Variants in AKR1B1 observed in about 807,000 individuals in gnomAD.
AKR1B1 encodes aldo-keto reductase family 1 member B1.
A neutral mutation model predicts 40.4 loss-of-function variants in AKR1B1; 22 were observed. The observed-to-expected ratio is 0.54, with a 90% confidence interval of 0.39 to 0.78. The LOEUF is 0.78. Among genes scored for constraint, AKR1B1 ranks in the 30% least tolerant of loss-of-function variants. The pLI is 0.00. For synonymous variants in AKR1B1, 157 were observed against 149.9 expected (o/e 1.05, Z -0.35); for missense variants, 357 against 396.7 (o/e 0.90, Z 0.85).
At chr7:134,447,122 A>T (rs574127066) in intron 8 of AKR1B1, among the ~76,000 whole-genome samples, 176 bp downstream of exon 8, 2 of 152,306 alleles carry the variant, frequency 1.3e-5, no homozygotes, top group African/African-American at 4.8e-5. Flanking sequence ...CTGCCCCTGC[A>T]CACGGCTCCA....
At chr7:134,453,531 C>T (rs1252511163) in intron 1 of AKR1B1, among the ~76,000 whole-genome samples, 1 of 152,040 alleles carries the variant, frequency 6.6e-6, no homozygotes, top group African/African-American at 2.4e-5. Context: ...CCACCCCAAA[C>T]ACACTTTTTT....
At chr7:134,451,859 C>T in intron 1 of AKR1B1, 106 bp from the exon 2 acceptor site, 4 of 1,246,856 alleles carry the variant, frequency 3.2e-6, no homozygotes, top group Non-Finnish European at 4.6e-6. Context: ...CCACTTTGTT[C>T]AGCAAAGACA....
intron 1 of AKR1B1, among the ~76,000 whole-genome samples, chr7:134,454,836 G>A (rs776874881): frequency 6.6e-6 from 1 of 152,216 alleles, no homozygotes; most frequent in Admixed American, 6.5e-5. Context: ...TTTGGCAGCA[G>A]AAATTAACTT....
chr7:134,449,309 G>C (rs909957230), intron 4 of AKR1B1, 190 bp from the exon 5 acceptor site: 1 of 782,434 alleles, frequency 1.3e-6, no homozygotes. Context: ...CAAACAGGCC[G>C]GGCGCGGTGG....
chr7:134,445,259 C>T lies in AKR1B1; in HGVS notation c.887G>A (p.Trp296Ter). The change falls in exon 9 of 10, where the codon TGG (tryptophan) becomes TAG (stop). Residue 296 changes from tryptophan (W) to a stop codon, truncating the protein, a stop_gained. Transcript: ENST00000285930. LOFTEE classifies it high-confidence loss of function. ...MTTLLSYNRN[W>*]RVCALLSCTS... ...TCACCTCAACAAGGCACAGACCCTC[C>T]AGTTCCTGTTGTAGCTGAGTAAGGT... is the stretch of plus-strand genomic sequence containing the variant. 1 of 1,612,392 alleles carries T rather than the reference C, an allele frequency of 6.2e-7. No homozygotes were observed. Among genetic ancestry groups the T allele is most frequent in the Non-Finnish European group, 8.5e-7 (1 of 1,179,720 alleles).
intron 9 of AKR1B1, among the ~76,000 whole-genome samples, chr7:134,443,881 C>T (rs753895280): frequency 6.6e-6 from 1 of 152,020 alleles, no homozygotes; most frequent in African/African-American, 2.4e-5. Flanking sequence ...GTGTAGTTAG[C>T]GAAAACTCCC....
rs1806587190 is a variant in AKR1B1 at position 134,459,040 on chromosome 7, T to C, written c.23A>G (p.Asn8Ser). ...CAGGATGGGCATCTTGGCGCCGTTG[T>C]TGAGCAGGAGACGGCTTGCCATGGC... The part of the protein sequence containing the change: MASRLLL[N>S]NGAKMPILGL... Residue 8 changes from asparagine (N) to serine (S), a missense_variant, in exon 1 of 10, where the codon AAC becomes AGC. By Grantham distance (46) the Asn-to-Ser change is conservative. Transcript: ENST00000285930. 3 of 1,608,114 alleles carry C rather than the reference T, an allele frequency of 1.9e-6. No individual in the cohort carries two copies. The highest frequency in any genetic ancestry group is 1.7e-5 in the Admixed American group (1 of 59,504).
chr7:134,451,551 C>T (rs746340901), intron 2 of AKR1B1, 35 bp downstream of exon 2: 15 of 1,611,960 alleles, frequency 9.3e-6, no homozygotes, highest in East Asian at 6.7e-5. Flanking sequence ...ATGATGGGAC[C>T]GAGAGCCCCT....
intron 8 of AKR1B1, among the ~76,000 whole-genome samples, chr7:134,446,588 C>A (rs1477530200): frequency 2.6e-5 from 4 of 152,188 alleles, no homozygotes; most frequent in African/African-American, 9.7e-5. Context: ...CGTGCCCCCC[C>A]CCTCCCCCAC....
chr7:134,453,690 G>A (rs1336909836), intron 1 of AKR1B1, among the ~76,000 whole-genome samples: 4 of 152,178 alleles, frequency 2.6e-5, no homozygotes, highest in Non-Finnish European at 5.9e-5. Context: ...ACTGCAAGAG[G>A]TCACGAAGAA....
rs147490093 is a variant in AKR1B1, at chr7:134,457,391, C to T, written c.66+1606G>A. Among the ~76,000 whole-genome samples the T allele has an allele frequency of 1.3e-4, 20 of 152,290 alleles. No individual in the cohort carries two copies. The East Asian group carries it at 3.9e-3, about 29-fold the overall frequency. On this transcript the variant is annotated intron_variant, in intron 1 of 9. Coordinates refer to ENST00000285930, the MANE Select transcript of AKR1B1 (RefSeq NM_001628.4). ...AAGAAAGCATCCTTCTGCATCCATT[C>T]CAAGAGCATAACATGCAACAGATGG... is the stretch of plus-strand genomic sequence containing the variant.
chr7:134,448,971 T>C (rs761706597), intron 5 of AKR1B1, 26 bp downstream of exon 5: 4 of 1,613,870 alleles, frequency 2.5e-6, no homozygotes, highest in Non-Finnish European at 8.5e-7. Flanking sequence ...AACGTTGCAA[T>C]GCCAGTGTCG....
intron 1 of AKR1B1, among the ~76,000 whole-genome samples, chr7:134,457,045 T>C (rs1200929052): frequency 6.6e-6 from 1 of 151,798 alleles, no homozygotes; most frequent in East Asian, 1.9e-4. Flanking sequence ...GGCTGAGGTA[T>C]GAGGACCACT....
chr7:134,458,047 G>A (rs1332228673), intron 1 of AKR1B1, among the ~76,000 whole-genome samples: 4 of 152,204 alleles, frequency 2.6e-5, no homozygotes, highest in Non-Finnish European at 5.9e-5. Context: ...GGTTATGGCT[G>A]TGGAATATAA....
chr7:134,457,157 T>C (rs1231193006), intron 1 of AKR1B1, among the ~76,000 whole-genome samples: 1 of 152,020 alleles, frequency 6.6e-6, no homozygotes, highest in Non-Finnish European at 1.5e-5. Flanking sequence ...AATAAACTTT[T>C]ACTCCTTATT....
intron 8 of AKR1B1, among the ~76,000 whole-genome samples, chr7:134,446,029 CAGAA>C (rs1050731772): frequency 3.9e-5 from 6 of 152,174 alleles, no homozygotes; most frequent in Admixed American, 6.5e-5. Flanking sequence ...ACAGAATGTG[CAGAA>C]AGAGAGTCTG....
rs182935850 is a variant in AKR1B1, at chr7:134,454,157, G to C, written c.67-2404C>G. Among the ~76,000 whole-genome samples the C allele has an allele frequency of 1.3e-4, 20 of 152,292 alleles. No individual in the cohort carries two copies. In the East Asian group the frequency reaches 3.9e-3, roughly 29 times the overall value. On this transcript the variant is annotated intron_variant, in intron 1 of 9. Transcript: ENST00000285930. Reference sequence around the variant, plus strand: ...TACAAATCCTACATGTTTCTAACCCGATCCTGCCACTAATCTGTGTGCCCT... The same window carrying C: ...TACAAATCCTACATGTTTCTAACCCCATCCTGCCACTAATCTGTGTGCCCT...
intron 9 of AKR1B1, among the ~76,000 whole-genome samples, chr7:134,443,897 G>A (rs943334731): frequency 6.6e-6 from 1 of 152,046 alleles, no homozygotes; most frequent in African/African-American, 2.4e-5. Context: ...CTCCCTAGGA[G>A]ACCTGAGCAT....
intron 9 of AKR1B1, among the ~76,000 whole-genome samples, chr7:134,443,026 T>C (rs1805985970): frequency 6.6e-6 from 1 of 152,198 alleles, no homozygotes; most frequent in Non-Finnish European, 1.5e-5. Context: ...GCACTGTGCC[T>C]GGGCCGTGCA....
Sources: allele counts gnomAD v4.1 joint callset (sites outside exome capture counted in the v4.1 genomes callset), GRCh38; gene constraint gnomAD v4.1.1; transcripts MANE v1.5; gene names NCBI Gene and HGNC (gene_info 2026-07-23, HGNC 2026-07-21).